C4orf51: variants seen among roughly 807,000 people sequenced by gnomAD.
C4orf51 encodes the protein uncharacterized protein C4orf51.
C4orf51 carries 25 observed loss-of-function variants against 25.2 expected under a neutral mutation model. The observed-to-expected ratio is 0.99, with a 90% CI of 0.72 to 1.39. C4orf51 has a LOEUF of 1.39. Among genes scored for constraint, C4orf51 ranks in the 40% most tolerant of loss-of-function variants. C4orf51 has a pLI of 0.00. For missense variants in C4orf51, 252 were observed against 239.6 expected, an observed-to-expected ratio of 1.05 and a Z score of -0.34; for synonymous variants, 100 against 84.5, an observed-to-expected ratio of 1.18 and a Z score of -1.01.
At chr4:145,779,495 G>C in the C4orf51 span, 1 of 1,613,762 alleles carries the variant, frequency 6.2e-7, no homozygotes, top group African/African-American at 1.3e-5. Context: ...CTGCCTCTAG[G>C]ACTATCTTTT....
the C4orf51 span, among the ~76,000 whole-genome samples, chr4:145,781,056 C>T: frequency 2.0e-5 from 3 of 151,832 alleles, no homozygotes; most frequent in Admixed American, 6.6e-5. Flanking sequence ...TTTAGCCGGG[C>T]GTGGTGGCGG....
At chr4:145,682,855 C>A (rs183439132) in intron 1 of C4orf51, among the ~76,000 whole-genome samples, 10 of 152,180 alleles carry the variant, frequency 6.6e-5, no homozygotes, top group Middle Eastern at 3.4e-3. Context: ...AAGACAGGAA[C>A]GTGGCTCAAG....
At chr4:145,727,531 G>A (rs904165325) in intron 3 of C4orf51, among the ~76,000 whole-genome samples, 1 of 151,898 alleles carries the variant, frequency 6.6e-6, no homozygotes, top group East Asian at 1.9e-4. Flanking sequence ...TATTTGTTAC[G>A]ATTTTTAATG....
intron 2 of C4orf51, among the ~76,000 whole-genome samples, chr4:145,708,038 AT>A (rs1203504065): frequency 6.6e-6 from 1 of 152,220 alleles, no homozygotes; most frequent in Non-Finnish European, 1.5e-5. Context: ...CATAGCTTTT[AT>A]CCCATTGGGG....
downstream of C4orf51, among the ~76,000 whole-genome samples, chr4:145,733,017 T>C (rs1405069035): frequency 1.3e-5 from 2 of 152,180 alleles, no homozygotes; most frequent in Non-Finnish European, 1.5e-5. Flanking sequence ...GGGAAGCGAA[T>C]TGGCTCCGAC....
At chr4:145,784,277 A>G in the C4orf51 span, among the ~76,000 whole-genome samples, 38 of 152,322 alleles carry the variant, frequency 2.5e-4, no homozygotes, top group Non-Finnish European at 4.9e-4. Flanking sequence ...TAGCTGAGTG[A>G]ACGCCAGCAA....
chr4:145,729,159 C>G lies in C4orf51; in HGVS notation c.367-10C>G. 1 of 1,579,970 alleles carries G rather than the reference C, an allele frequency of 6.3e-7. No individual in the cohort carries two copies. Among genetic ancestry groups the G allele is most frequent in the Non-Finnish European group, 8.7e-7 (1 of 1,151,652 alleles). On this transcript the variant is annotated splice_polypyrimidine_tract_variant and intron_variant, in intron 3 of 5. Transcript: ENST00000438731. ...TGGTTGGTATTTATTTCTATCTCTCCTTTTTATAGGCACATCAAATTTGGG... is the reference window on the plus strand; with the variant it reads ...TGGTTGGTATTTATTTCTATCTCTCGTTTTTATAGGCACATCAAATTTGGG...
chr4:145,791,768 T>C, the C4orf51 span, among the ~76,000 whole-genome samples: 54 of 152,350 alleles, frequency 3.5e-4, no homozygotes, highest in East Asian at 7.7e-3. Flanking sequence ...GTTTTACTTA[T>C]ATAATTTCAT....
downstream of C4orf51, among the ~76,000 whole-genome samples, chr4:145,755,046 T>C (rs1733863527): frequency 6.6e-6 from 1 of 152,208 alleles, no homozygotes; most frequent in East Asian, 1.9e-4. Context: ...GACTTGAAAA[T>C]ATTGAGGTGC....
intron 1 of C4orf51, among the ~76,000 whole-genome samples, chr4:145,751,547 C>A (rs750004202): frequency 6.6e-6 from 1 of 152,192 alleles, no homozygotes; most frequent in Non-Finnish European, 1.5e-5. Flanking sequence ...ATAAGCAACC[C>A]ATCGCACTAC....
At chr4:145,739,339 T>C (rs946158591) in intron 1 of C4orf51, among the ~76,000 whole-genome samples, 2 of 152,206 alleles carry the variant, frequency 1.3e-5, no homozygotes, top group African/African-American at 4.8e-5. Context: ...GAAGCTCTGC[T>C]TACCTCCCCA....
chr4:145,689,883 A>C (rs1035748916), intron 1 of C4orf51, among the ~76,000 whole-genome samples: 1 of 152,222 alleles, frequency 6.6e-6, no homozygotes, highest in Admixed American at 6.5e-5. Context: ...TGGATTAAAG[A>C]CTTAAATGTA....
chr4:145,703,438 G>A (rs1188608556), intron 2 of C4orf51, among the ~76,000 whole-genome samples: 1 of 152,114 alleles, frequency 6.6e-6, no homozygotes, highest in Non-Finnish European at 1.5e-5. Flanking sequence ...CCTGTACCCA[G>A]GTGATTAAAA....
chr4:145,705,049 T>G (rs1281758578), intron 2 of C4orf51, among the ~76,000 whole-genome samples: 4 of 152,246 alleles, frequency 2.6e-5, no homozygotes, highest in Admixed American at 2.0e-4. Context: ...GTGGGCTGTC[T>G]GCACTTGCAG....
chr4:145,692,953 GTTTTTTTTTTTTTT>G (rs202227019), intron 1 of C4orf51, among the ~76,000 whole-genome samples: 1 of 100,970 alleles, frequency 9.9e-6, no homozygotes, highest in Non-Finnish European at 2.0e-5. Flanking sequence ...TAAGTTTTTA[GTTTTTTTTTTTTTT>G]TTTTTTTTTT....
intron 2 of C4orf51, among the ~76,000 whole-genome samples, chr4:145,721,021 G>A (rs62343550): frequency 0.2 from 30,875 of 152,138 alleles, 3,318 homozygotes; most frequent in East Asian, 0.28. Flanking sequence ...GCCTTGCTGT[G>A]AGAAGTGAAT....
chr4:145,695,202 C>A (rs1309530926), intron 1 of C4orf51, among the ~76,000 whole-genome samples: 1 of 152,210 alleles, frequency 6.6e-6, no homozygotes, highest in African/African-American at 2.4e-5. Context: ...ACCCTCCTAC[C>A]AACAGTGTAA....
Position 145,683,604 on chromosome 4 carries a change from G to T in C4orf51, c.233+3168G>T, listed in dbSNP as rs9997808. ...GAAATAGGTACACATAAATATAGTC[G>T]ACTGGTCTTTGACAAAGAAGCAAAG... On this transcript the variant is annotated intron_variant, in intron 1 of 5. Transcript: ENST00000438731. Among the ~76,000 whole-genome samples, 3 of 152,136 alleles carry T rather than the reference G, an allele frequency of 2.0e-5. No individual in the cohort carries two copies. In the East Asian group the frequency reaches 5.8e-4, roughly 29 times the overall value.
chr4:145,767,911 A>G (rs1415347394), intron 1 of C4orf51, among the ~76,000 whole-genome samples: 1 of 152,258 alleles, frequency 6.6e-6, no homozygotes, highest in Non-Finnish European at 1.5e-5. Flanking sequence ...TACACAAAAG[A>G]ATGAAGAGGC....
Sources: gnomAD v4.1 joint callset for allele counts (sites outside exome capture counted in the v4.1 genomes callset) on GRCh38, gnomAD v4.1.1 for gene constraint, MANE v1.5 for transcripts, NCBI Gene and HGNC (gene_info 2026-07-23, HGNC 2026-07-21) for gene names.